The following CACNA2D3 variants were observed in gnomAD, a reference collection of about 807,000 sequenced individuals.
The protein encoded by CACNA2D3 is calcium voltage-gated channel auxiliary subunit alpha2delta 3.
CACNA2D3 carries 60 observed loss-of-function variants against 160.6 expected under a neutral mutation model. The ratio of observed to expected loss-of-function variants is 0.37; its 90% CI spans 0.30 to 0.46. The LOEUF (loss-of-function observed/expected upper bound fraction) is 0.46, where lower values mean the gene tolerates loss of function less well. CACNA2D3 is among the 20% of genes least tolerant of loss of function. The probability of loss-of-function intolerance (pLI) is 1.00; values close to 1 mark genes in which losing one functional copy is unlikely to be tolerated. For missense variants in CACNA2D3, 1,205 were observed against 1,365.0 expected (o/e 0.88, Z 1.85); for synonymous variants, 558 against 492.9 (o/e 1.13, Z -1.75).
chr3:54,357,203 G>A (rs1698664060), intron 3 of CACNA2D3, among the ~76,000 whole-genome samples: 1 of 152,188 alleles, frequency 6.6e-6, no homozygotes, highest in South Asian at 2.1e-4. Context: ...AAGCATGGGA[G>A]GGACTTAATG....
chr3:54,227,232 G>T (rs1417055227), intron 2 of CACNA2D3, among the ~76,000 whole-genome samples: 4 of 152,114 alleles, frequency 2.6e-5, no homozygotes, highest in African/African-American at 9.7e-5. Flanking sequence ...ATGTTTTCAC[G>T]TTCAGGATCT....
intron 5 of CACNA2D3, among the ~76,000 whole-genome samples, chr3:54,520,891 C>T (rs1701637552): frequency 6.6e-6 from 1 of 152,178 alleles, no homozygotes; most frequent in Non-Finnish European, 1.5e-5. Context: ...TGGCTTATTT[C>T]ACTTAGCACA....
chr3:54,569,489 C>G, intron 6 of CACNA2D3, among the ~76,000 whole-genome samples: 1 of 152,186 alleles, frequency 6.6e-6, no homozygotes, highest in East Asian at 1.9e-4. Context: ...ACTTCGGCTA[C>G]CTTTATCCCT....
At chr3:54,471,935 C>T (rs946137570) in intron 4 of CACNA2D3, among the ~76,000 whole-genome samples, 2 of 152,006 alleles carry the variant, frequency 1.3e-5, no homozygotes, top group African/African-American at 4.8e-5. Flanking sequence ...AGTCCTGGAC[C>T]AGATGAATTC....
chr3:54,785,615 T>A (rs1702625221), intron 13 of CACNA2D3, among the ~76,000 whole-genome samples: 1 of 152,214 alleles, frequency 6.6e-6, no homozygotes, highest in African/African-American at 2.4e-5. Flanking sequence ...TGAATTATTT[T>A]CTGTAGGGAA....
At chr3:54,820,419 T>C (rs976232474) in intron 14 of CACNA2D3, among the ~76,000 whole-genome samples, 1 of 152,210 alleles carries the variant, frequency 6.6e-6, no homozygotes, top group African/African-American at 2.4e-5. Flanking sequence ...TGACAATGTT[T>C]TAGAACAACA....
chr3:54,662,160 C>T lies in CACNA2D3; in HGVS notation c.1167+19919C>T, dbSNP rs576589060. 4.0e-4 allele frequency among the ~76,000 whole-genome samples: 60 copies of T among 151,422 alleles called. No individual in the cohort carries two copies. In the South Asian group the frequency reaches 0.012, roughly 29 times the overall value. On this transcript the variant is annotated intron_variant, in intron 11 of 37. Transcript: ENST00000474759. ...GTAGCTGCCTGATAGGAAGTTCCTTCTGTGTGTGCGTTTGTGTGTATGTGT... is the reference window on the plus strand; with the variant it reads ...GTAGCTGCCTGATAGGAAGTTCCTTTTGTGTGTGCGTTTGTGTGTATGTGT...
intron 2 of CACNA2D3, among the ~76,000 whole-genome samples, chr3:54,265,646 GTATATATATAGTGTA>G (rs71074958): frequency 0.34 from 49,888 of 146,538 alleles, 8,925 homozygotes; most frequent in Middle Eastern, 0.44. Context: ...TATATAGTGT[GTATATATATAGTGTA>G]TATATATAGT....
At chr3:54,455,499 TA>T (rs757358288) in intron 4 of CACNA2D3, among the ~76,000 whole-genome samples, 16 of 152,212 alleles carry the variant, frequency 1.1e-4, no homozygotes, top group African/African-American at 1.7e-4. Context: ...AGTTTGCAGA[TA>T]TTTTTTTTCC....
intron 2 of CACNA2D3, among the ~76,000 whole-genome samples, chr3:54,307,507 C>T (rs776639806): frequency 4.6e-5 from 7 of 152,090 alleles, no homozygotes; most frequent in Non-Finnish European, 7.3e-5. Flanking sequence ...TATATGTCAG[C>T]GTCTCCCCAC....
chr3:55,010,873 T>C (rs72866951), intron 34 of CACNA2D3, among the ~76,000 whole-genome samples: 3,203 of 152,302 alleles, frequency 0.021, 113 homozygotes, highest in African/African-American at 0.073. Flanking sequence ...CTGTTTGTGT[T>C]TTACACTAAC....
chr3:54,702,795 CCT>C (rs1431542335), intron 11 of CACNA2D3, among the ~76,000 whole-genome samples: 1 of 151,960 alleles, frequency 6.6e-6, no homozygotes. Flanking sequence ...CATGAGTGCT[CCT>C]TTTCACAAGA....
intron 3 of CACNA2D3, among the ~76,000 whole-genome samples, chr3:54,321,832 A>G (rs570512759): frequency 3.3e-4 from 49 of 150,100 alleles, no homozygotes; most frequent in African/African-American, 1.1e-3. Flanking sequence ...CTTTATGCAT[A>G]TGAAAGCATT....
chr3:54,995,789 C>A (rs1702843527), intron 31 of CACNA2D3, among the ~76,000 whole-genome samples: 1 of 152,220 alleles, frequency 6.6e-6, no homozygotes, highest in African/African-American at 2.4e-5. Flanking sequence ...TGTGAAACTA[C>A]TGATAGTTTC....
intron 5 of CACNA2D3, among the ~76,000 whole-genome samples, chr3:54,511,245 C>T (rs150066384): frequency 1.3e-4 from 20 of 152,326 alleles, no homozygotes; most frequent in Non-Finnish European, 2.6e-4. Context: ...TTTATGCCCC[C>T]GTGTGGGGGT....
intron 35 of CACNA2D3, 134 bp downstream of exon 35, chr3:55,018,451 T>C (rs1437939143): frequency 4.8e-6 from 3 of 619,366 alleles, no homozygotes; most frequent in Non-Finnish European, 8.8e-6. Flanking sequence ...TAAGGAAGTA[T>C]TTCTATCAGC....
chr3:55,057,381 T>C (rs1704390199), intron 35 of CACNA2D3, among the ~76,000 whole-genome samples: 1 of 152,176 alleles, frequency 6.6e-6, no homozygotes, highest in African/African-American at 2.4e-5. Context: ...GTATAAATTG[T>C]CAGTTTACAA....
chr3:54,165,717 G>C (rs183677208), intron 2 of CACNA2D3, among the ~76,000 whole-genome samples: 3 of 151,908 alleles, frequency 2.0e-5, no homozygotes, highest in Admixed American at 6.6e-5. Context: ...AGGATTGCTC[G>C]AGCCCAGGTG....
chr3:54,337,975 T>G (rs1704426135), intron 3 of CACNA2D3, among the ~76,000 whole-genome samples: 1 of 152,202 alleles, frequency 6.6e-6, no homozygotes, highest in Non-Finnish European at 1.5e-5. Context: ...CCAAAACGTT[T>G]GGGTGCCTTA....
Sources: gnomAD v4.1 joint callset for allele counts (sites outside exome capture counted in the v4.1 genomes callset) on GRCh38, gnomAD v4.1.1 for gene constraint, MANE v1.5 for transcripts, NCBI Gene and HGNC (gene_info 2026-07-23, HGNC 2026-07-21) for gene names.